PHACTR3: variants seen among roughly 807,000 people sequenced by gnomAD.
The protein encoded by PHACTR3 is phosphatase and actin regulator 3, also known as protein phosphatase 1, regulatory subunit 123.
Under a neutral mutation model 66.8 loss-of-function variants are expected in PHACTR3, and 16 were observed. The observed-to-expected ratio is 0.24, with a 90% CI of 0.16 to 0.36. PHACTR3 has a LOEUF of 0.36. Among genes scored for constraint, PHACTR3 ranks in the 10% least tolerant of loss-of-function variants. The probability of loss-of-function intolerance (pLI) is 1.00; values close to 1 mark genes in which losing one functional copy is unlikely to be tolerated. For synonymous variants in PHACTR3, 323 were observed against 292.1 expected, an observed-to-expected ratio of 1.11 and a Z score of -1.08; for missense variants, 647 against 719.9, an observed-to-expected ratio of 0.90 and a Z score of 1.16.
At chr20:59,844,876 C>T (rs2059123294) in intron 11 of PHACTR3, 1 of 176,760 alleles carries the variant, frequency 5.7e-6, no homozygotes, top group Non-Finnish European at 1.2e-5. Flanking sequence ...TGGAGGTAGA[C>T]ATCCTAAATA....
intron 7 of PHACTR3, among the ~76,000 whole-genome samples, chr20:59,797,526 T>C (rs1385386251): frequency 2.0e-5 from 3 of 152,156 alleles, no homozygotes; most frequent in Non-Finnish European, 4.4e-5. Flanking sequence ...AGGGTGTCAG[T>C]AGGGTAGAGT....
At chr20:59,828,309 A>G (rs759902214) in intron 8 of PHACTR3, among the ~76,000 whole-genome samples, 1 of 152,150 alleles carries the variant, frequency 6.6e-6, no homozygotes, top group Non-Finnish European at 1.5e-5. Flanking sequence ...TGGAGTGACC[A>G]GTGTGGCAGC....
intron 10 of PHACTR3, among the ~76,000 whole-genome samples, chr20:59,841,025 T>A (rs1486990745): frequency 1.3e-5 from 2 of 152,206 alleles, no homozygotes; most frequent in African/African-American, 4.8e-5. Context: ...ATTAACAGAA[T>A]ATCCTTCCTA....
intron 1 of PHACTR3, among the ~76,000 whole-genome samples, chr20:59,677,211 C>T (rs1163915876): frequency 6.6e-6 from 1 of 152,082 alleles, no homozygotes; most frequent in Non-Finnish European, 1.5e-5. Context: ...TATTCTTAAG[C>T]CAGGTTTTAT....
intron 1 of PHACTR3, among the ~76,000 whole-genome samples, chr20:59,623,814 C>A (rs1051934175): frequency 6.6e-6 from 1 of 152,100 alleles, no homozygotes; most frequent in Non-Finnish European, 1.5e-5. Flanking sequence ...GGGCCTGCCA[C>A]GCGGGACAGG....
intron 1 of PHACTR3, among the ~76,000 whole-genome samples, chr20:59,728,955 T>C (rs913791656): frequency 6.6e-6 from 1 of 152,086 alleles, no homozygotes; most frequent in Non-Finnish European, 1.5e-5. Context: ...ACCCAAGTGA[T>C]AAGAAGGAGG....
Position 59,578,349 on chromosome 20 carries a change from G to A in PHACTR3, c.109+732G>A, listed in dbSNP as rs187022920. 3.8e-3 allele frequency among the ~76,000 whole-genome samples: 577 copies of A among 152,316 alleles called. 4 individuals are homozygous for A. Among genetic ancestry groups the A allele is most frequent in the African/African-American group, 0.013 (549 of 41,580 alleles). ...ACCAGGTGTCCAGCAGGCAGAGCCC[G>A]GAGTGGGGTGGAGGAGAGCTAGGCC... is the stretch of plus-strand genomic sequence containing the variant. On this transcript the variant is annotated intron_variant, in intron 1 of 12. Coordinates refer to the PHACTR3 transcript ENST00000359926.
intron 7 of PHACTR3, 86 bp from the exon 8 acceptor site, chr20:59,805,954 TG>T: frequency 7.1e-7 from 1 of 1,417,494 alleles, no homozygotes; most frequent in Non-Finnish European, 9.6e-7. Flanking sequence ...CTCTGGCAGG[TG>T]GGCGGCTCCA....
intron 8 of PHACTR3, among the ~76,000 whole-genome samples, chr20:59,809,148 A>G (rs915196189): frequency 7.3e-5 from 11 of 150,624 alleles, no homozygotes; most frequent in Non-Finnish European, 3.0e-5. Flanking sequence ...AGTGTTCCCA[A>G]CTCCCACCAA....
chr20:59,674,373 T>C (rs6027028), intron 1 of PHACTR3, among the ~76,000 whole-genome samples: 32,748 of 142,032 alleles, frequency 0.23, 4,155 homozygotes, highest in East Asian at 0.5. Context: ...CCCCTTCTCC[T>C]GTTCCTTCCC....
At chr20:59,619,512 T>TG (rs2034160458) in intron 1 of PHACTR3, among the ~76,000 whole-genome samples, 3 of 152,034 alleles carry the variant, frequency 2.0e-5, no homozygotes. Context: ...TGAGGGAAGA[T>TG]GAGAAGGCAC....
At chr20:59,840,042 A>G (rs1361751473) in intron 9 of PHACTR3, among the ~76,000 whole-genome samples, 1 of 152,216 alleles carries the variant, frequency 6.6e-6, no homozygotes, top group Non-Finnish European at 1.5e-5. Context: ...ATATAAAGAT[A>G]TTTGGGGAGA....
At chr20:59,730,464 A>G (rs1284556876) in intron 1 of PHACTR3, among the ~76,000 whole-genome samples, 2 of 152,096 alleles carry the variant, frequency 1.3e-5, no homozygotes, top group African/African-American at 4.8e-5. Context: ...AGCCACTGTG[A>G]TGTCATGTGG....
chr20:59,702,421 A>C (rs1231328180), intron 1 of PHACTR3, among the ~76,000 whole-genome samples: 1 of 152,132 alleles, frequency 6.6e-6, no homozygotes, highest in Non-Finnish European at 1.5e-5. Context: ...AAGTCTTCTC[A>C]CATCCAGATC....
intron 1 of PHACTR3, among the ~76,000 whole-genome samples, chr20:59,728,232 T>G (rs1188844266): frequency 6.6e-6 from 1 of 152,060 alleles, no homozygotes; most frequent in Non-Finnish European, 1.5e-5. Flanking sequence ...TGTGACTGGC[T>G]CCTTTCGTTT....
intron 12 of PHACTR3, among the ~76,000 whole-genome samples, chr20:59,846,723 G>A (rs2059156452): frequency 6.6e-6 from 1 of 152,026 alleles, no homozygotes; most frequent in Middle Eastern, 3.2e-3. Context: ...TTGGTTATGA[G>A]ATTTTAAGAG....
intron 7 of PHACTR3, among the ~76,000 whole-genome samples, chr20:59,779,826 C>T (rs943348963): frequency 1.3e-5 from 2 of 152,370 alleles, no homozygotes; most frequent in South Asian, 4.1e-4. Flanking sequence ...CATGGGGTGC[C>T]TTCGTGGGTA....
intron 1 of PHACTR3, among the ~76,000 whole-genome samples, chr20:59,694,033 G>A (rs921441303): frequency 2.0e-5 from 3 of 152,224 alleles, no homozygotes; most frequent in Non-Finnish European, 4.4e-5. Context: ...GGGAGATGAA[G>A]AAATGTGGCC....
At chr20:59,819,735 G>A (rs2041981098) in intron 8 of PHACTR3, among the ~76,000 whole-genome samples, 1 of 151,798 alleles carries the variant, frequency 6.6e-6, no homozygotes, top group Admixed American at 6.6e-5. Flanking sequence ...CGTCAACTGA[G>A]GCACCTGATT....
Sources: allele counts gnomAD v4.1 joint callset (sites outside exome capture counted in the v4.1 genomes callset), GRCh38; gene constraint gnomAD v4.1.1; transcripts MANE v1.5; gene names NCBI Gene and HGNC (gene_info 2026-07-23, HGNC 2026-07-21).